Variants in RREB1 observed in about 807,000 individuals in gnomAD.
The protein encoded by RREB1 is ras-responsive element-binding protein 1.
RREB1 carries 27 observed loss-of-function variants against 117.8 expected under a neutral mutation model. The ratio of observed to expected loss-of-function variants is 0.23; its 90% CI spans 0.17 to 0.32. RREB1 has a LOEUF of 0.32. RREB1 is among the 10% of genes least tolerant of loss of function. The probability of loss-of-function intolerance (pLI) is 1.00; values close to 1 mark genes in which losing one functional copy is unlikely to be tolerated. For missense variants in RREB1, 2,577 were observed against 2,378.2 expected (o/e 1.08, Z -1.74); for synonymous variants, 1,298 against 1,026.7 (o/e 1.26, Z -5.05).
chr6:7,155,035 GGGGCGGAACGA>G (rs1309654808), intron 1 of RREB1, among the ~76,000 whole-genome samples: 1 of 152,176 alleles, frequency 6.6e-6, no homozygotes, highest in African/African-American at 2.4e-5. Flanking sequence ...GGGGTTGTTA[GGGGCGGAACGA>G]AGGGGCCTAG....
Position 7,240,561 on chromosome 6 carries a change from C to G in RREB1, c.3932C>G (p.Pro1311Arg). 1 of 1,613,784 alleles carries G rather than the reference C, an allele frequency of 6.2e-7. No homozygotes were observed. The highest frequency in any genetic ancestry group is 8.5e-7 in the Non-Finnish European group (1 of 1,179,852). ...TCSLRRNGLI[P>R]QSKESDVGSH... ...TCCCTGAGAAGAAACGGGCTTATCC[C>G]CCAGTCAAAAGAGAGTGATGTTGGA... Residue 1311 changes from proline to arginine, a missense_variant, in exon 11 of 13, where the codon CCC becomes CGC. Transcript: ENST00000379938.
intron 3 of RREB1, 74 bp from the exon 4 acceptor site, chr6:7,181,796 C>T (rs926336786): frequency 1.8e-5 from 19 of 1,036,460 alleles, no homozygotes; most frequent in Admixed American, 5.4e-5. Flanking sequence ...TTAGAGTAGC[C>T]ATGGCCAGCG....
intron 1 of RREB1, among the ~76,000 whole-genome samples, chr6:7,136,020 A>G (rs1424110166): frequency 2.0e-5 from 3 of 152,168 alleles, no homozygotes; most frequent in South Asian, 2.1e-4. Flanking sequence ...CATCTGTACA[A>G]TGGGACCAGT....
chr6:7,248,972 C>G lies in RREB1; in HGVS notation c.*4C>G, dbSNP rs1489626033. On this transcript the variant is annotated 3_prime_UTR_variant, in exon 13 of 13. Transcript: ENST00000379938. Reference sequence around the variant, plus strand: ...CCAGCTCGTGGGGATGGAGTGACAGCCTCAGTCCCCCTCAGCACAGACAAA... The same window carrying G: ...CCAGCTCGTGGGGATGGAGTGACAGGCTCAGTCCCCCTCAGCACAGACAAA... 6.8e-7 allele frequency: 1 copy of G among 1,465,374 alleles called. No homozygotes were observed. The highest frequency in any genetic ancestry group is 9.0e-7 in the Non-Finnish European group (1 of 1,113,602). 90.8% of individuals were successfully genotyped at this position (1,465,374 alleles called of 1,614,324 possible). A position where few individuals can be genotyped will look rare whatever the true frequency, so the allele number is the denominator to read the frequency against.
chr6:7,203,082 G>A (rs1305866876), intron 6 of RREB1, among the ~76,000 whole-genome samples: 1 of 152,180 alleles, frequency 6.6e-6, no homozygotes, highest in East Asian at 1.9e-4. Flanking sequence ...CAAGGGTAGG[G>A]CAGTTAGGAA....
At chr6:7,173,225 T>C (rs1764311969) in intron 1 of RREB1, among the ~76,000 whole-genome samples, 1 of 152,128 alleles carries the variant, frequency 6.6e-6, no homozygotes, top group African/African-American at 2.4e-5. Flanking sequence ...TTATTCCACA[T>C]TTCCTGGGGG....
chr6:7,149,087 T>C (rs1415625505), intron 1 of RREB1, among the ~76,000 whole-genome samples: 1 of 152,146 alleles, frequency 6.6e-6, no homozygotes, highest in Non-Finnish European at 1.5e-5. Flanking sequence ...CACACCCAGC[T>C]AATTTTTGTA....
intron 1 of RREB1, among the ~76,000 whole-genome samples, chr6:7,123,420 C>T (rs1761765776): frequency 6.6e-6 from 1 of 152,092 alleles, no homozygotes; most frequent in Non-Finnish European, 1.5e-5. Context: ...TCTCAGCCTC[C>T]CGAAGTGCTA....
intron 6 of RREB1, among the ~76,000 whole-genome samples, chr6:7,198,233 A>G (rs1254608934): frequency 6.6e-6 from 1 of 152,206 alleles, no homozygotes; most frequent in African/African-American, 2.4e-5. Flanking sequence ...TAATGTCATA[A>G]TCACCAGGTC....
chr6:7,223,429 C>T (rs1185003230), intron 8 of RREB1, among the ~76,000 whole-genome samples: 2 of 151,714 alleles, frequency 1.3e-5, no homozygotes, highest in Admixed American at 6.6e-5. Flanking sequence ...GGCGTGGTGG[C>T]GCATGCCTGT....
In RREB1 at chr6:7,182,011, G is replaced by T. The variant is rs779729246; in HGVS notation, c.100G>T (p.Gly34Cys). The T allele has an allele frequency of 1.9e-6, 3 of 1,614,010 alleles. No individual in the cohort carries two copies. The South Asian group carries it at 3.3e-5, about 18-fold the overall frequency. ...GAGTGTAGGGAAGGTCACAGAGAAT[G>T]GCGGGAGCCCCCAGGGGATCAAGTC... ...VMSVGKVTEN[G>C]GSPQGIKSPS... Residue 34 changes from glycine to cysteine, a missense_variant, in exon 4 of 13, where the codon GGC (glycine) becomes TGC (cysteine). Physicochemically the swap from Gly to Cys is radical, Grantham distance 159. Coordinates refer to ENST00000379938, the MANE Select transcript of RREB1 (RefSeq NM_001003699.4).
At chr6:7,146,355 C>T (rs1350264231) in intron 1 of RREB1, among the ~76,000 whole-genome samples, 2 of 151,720 alleles carry the variant, frequency 1.3e-5, no homozygotes, top group African/African-American at 4.9e-5. Context: ...GGGTAGATGG[C>T]CTGAGAGGGG....
rs772580406 is a variant in RREB1 at position 7,230,926 on chromosome 6, T to G, written c.2827T>G (p.Phe943Val). Residue 943 changes from phenylalanine (F) to valine (V), a missense_variant, in exon 10 of 13, where the codon TTC (phenylalanine) becomes GTC (valine). Physicochemically the swap from Phe to Val is conservative, Grantham distance 50. Coordinates refer to ENST00000379938, the MANE Select transcript of RREB1 (RefSeq NM_001003699.4). ...CATCGACCTGTCCATCCCCAAGAAC[T>G]TCAGGAAAGGGGACAAGGATTTGGC... ...EPIDLSIPKN[F>V]RKGDKDLATP... The G allele has an allele frequency of 6.2e-7, 1 of 1,614,022 alleles. No homozygotes were observed. Among genetic ancestry groups the G allele is most frequent in the African/African-American group, 1.3e-5 (1 of 75,038 alleles).
At chr6:7,162,061 G>T (rs540885320) in intron 1 of RREB1, among the ~76,000 whole-genome samples, 2 of 152,212 alleles carry the variant, frequency 1.3e-5, no homozygotes, top group African/African-American at 4.8e-5. Context: ...CCGCATCTTT[G>T]CCATTTCCCC....
intron 1 of RREB1, among the ~76,000 whole-genome samples, chr6:7,110,237 C>G (rs1303788677): frequency 6.6e-6 from 1 of 152,118 alleles, no homozygotes; most frequent in Non-Finnish European, 1.5e-5. Context: ...TTTGTTTTTT[C>G]ACACCCATGA....
At chr6:7,208,972 G>T (rs762117587) in intron 6 of RREB1, among the ~76,000 whole-genome samples, 13 of 152,160 alleles carry the variant, frequency 8.5e-5, no homozygotes, top group Non-Finnish European at 1.9e-4. Context: ...CTATGGGCAG[G>T]TTGGCCTCCC....
At chr6:7,211,279 C>T (rs1466474287) in intron 7 of RREB1, among the ~76,000 whole-genome samples, 1 of 126,362 alleles carries the variant, frequency 7.9e-6, no homozygotes, top group Non-Finnish European at 1.6e-5. Context: ...TGGCAGATAC[C>T]CGGTGCTGCA....
intron 6 of RREB1, among the ~76,000 whole-genome samples, chr6:7,210,016 G>A (rs527638399): frequency 1.3e-5 from 2 of 152,308 alleles, no homozygotes; most frequent in African/African-American, 4.8e-5. Context: ...AATGTCATTC[G>A]TTTCCTGTAT....
intron 2 of RREB1, 115 bp from the exon 3 acceptor site, chr6:7,181,009 G>A (rs1581500405): frequency 2.5e-6 from 1 of 393,402 alleles, no homozygotes; most frequent in African/African-American, 2.1e-5. Context: ...CCTCTCATTT[G>A]TGCTCCTTGC....
Sources: gnomAD v4.1 joint callset for allele counts (sites outside exome capture counted in the v4.1 genomes callset) on GRCh38, gnomAD v4.1.1 for gene constraint, MANE v1.5 for transcripts, NCBI Gene and HGNC (gene_info 2026-07-23, HGNC 2026-07-21) for gene names.